SLC25A51: variants seen among roughly 807,000 people sequenced by gnomAD.
The protein encoded by SLC25A51 is mitochondrial nicotinamide adenine dinucleotide transporter SLC25A51.
A neutral mutation model predicts 19.1 loss-of-function variants in SLC25A51; 11 were observed. That is an observed-to-expected ratio of 0.58 (90% confidence interval 0.36 to 0.96). The LOEUF is 0.96. Ranked by LOEUF, SLC25A51 falls within the 40% of genes least tolerant of loss-of-function variation. SLC25A51 has a pLI of 0.01. For synonymous variants in SLC25A51, 105 were observed against 133.6 expected (o/e 0.79, Z 1.47); for missense variants, 201 against 365.4 (o/e 0.55, Z 3.67).
At chr9:37,886,047 A>G (rs1831449119), downstream of SLC25A51, 16 of 1,612,532 alleles carry the variant, frequency 9.9e-6, no homozygotes, top group Non-Finnish European at 1.4e-5. Context: ...CTCTCCCTTA[A>G]GTACAACTGT....
intron 2 of SLC25A51, among the ~76,000 whole-genome samples, chr9:37,893,724 G>A (rs1831648036): frequency 6.6e-6 from 1 of 152,108 alleles, no homozygotes; most frequent in Non-Finnish European, 1.5e-5. Flanking sequence ...CAGATTCCTT[G>A]GAGTTGGGCT....
intron 2 of SLC25A51, among the ~76,000 whole-genome samples, chr9:37,891,268 G>A (rs1050853054): frequency 1.2e-4 from 19 of 152,230 alleles, no homozygotes; most frequent in African/African-American, 3.6e-4. Flanking sequence ...CAGCCGCCCC[G>A]TCCGGGAGGT....
At chr9:37,894,156 G>GTT (rs912952686) in intron 2 of SLC25A51, among the ~76,000 whole-genome samples, 3 of 150,888 alleles carry the variant, frequency 2.0e-5, no homozygotes, top group Admixed American at 6.6e-5. Context: ...TATGGTTGCT[G>GTT]TTTTTTTTTA....
At chr9:37,886,433 C>T, downstream of SLC25A51, 1 of 1,538,222 alleles carries the variant, frequency 6.5e-7, no homozygotes, top group South Asian at 1.3e-5. Context: ...CAATTCCAGG[C>T]TCTTTCCATA....
At chr9:37,894,013 A>G (rs1282889045) in intron 2 of SLC25A51, among the ~76,000 whole-genome samples, 1 of 152,182 alleles carries the variant, frequency 6.6e-6, no homozygotes, top group African/African-American at 2.4e-5. Flanking sequence ...CACACTACTA[A>G]GTTTAAAAAG....
intron 2 of SLC25A51, among the ~76,000 whole-genome samples, chr9:37,897,639 AATT>A (rs1427378192): frequency 1.3e-5 from 2 of 150,944 alleles, no homozygotes; most frequent in Admixed American, 6.6e-5. Context: ...GATTATAATA[AATT>A]ATAATTATAA....
At chr9:37,881,423 A>C (rs968488887) in intron 3 of SLC25A51, 6 of 152,250 alleles carry the variant, frequency 3.9e-5, no homozygotes, top group African/African-American at 1.4e-4. Context: ...TGGGAGGCCA[A>C]GGTGGGCAGA....
intron 1 of SLC25A51, among the ~76,000 whole-genome samples, chr9:37,901,587 C>T (rs1006250589): frequency 4.6e-5 from 7 of 152,092 alleles, no homozygotes; most frequent in Non-Finnish European, 7.4e-5. Flanking sequence ...AGAGAGTTGG[C>T]ATTTTGTCTT....
downstream of SLC25A51, among the ~76,000 whole-genome samples, chr9:37,886,644 C>T (rs1211848306): frequency 5.3e-5 from 8 of 152,162 alleles, no homozygotes; most frequent in Non-Finnish European, 1.2e-4. Context: ...TGGTTTCCCT[C>T]CAAGCTTGGG....
In SLC25A51 at chr9:37,888,034, A is replaced by G. The variant is rs375192827; in HGVS notation, c.517T>C (p.Tyr173His). 1 of 1,612,980 alleles carries G rather than the reference A, an allele frequency of 6.2e-7. No homozygotes were observed. The highest frequency in any genetic ancestry group is 8.5e-7 in the Non-Finnish European group (1 of 1,179,870). Residue 173 changes from tyrosine (Y) to histidine (H), a missense_variant, in exon 3 of 3, where the codon TAT (tyrosine) becomes CAT (histidine). Coordinates refer to ENST00000242275, the MANE Select transcript of SLC25A51 (RefSeq NM_033412.4). ...AAAAGAATGGGCACCAAGCCTCGAT[A>G]ATACTCTCCAATTCCATGACATTTC... ...ALKCHGIGEYYRGLVPILFRN... is the reference protein window; with the variant it reads ...ALKCHGIGEYHRGLVPILFRN...
At chr9:37,898,385 G>C (rs575645520) in intron 2 of SLC25A51, among the ~76,000 whole-genome samples, 92 of 152,290 alleles carry the variant, frequency 6.0e-4, no homozygotes, top group African/African-American at 2.0e-3. Flanking sequence ...GAGAAATCCT[G>C]TCTCTACTAA....
intron 2 of SLC25A51, among the ~76,000 whole-genome samples, chr9:37,895,207 C>CT (rs565092011): frequency 6.0e-4 from 88 of 146,508 alleles, no homozygotes; most frequent in East Asian, 1.2e-3. Flanking sequence ...CCATTAAAAA[C>CT]TTTTTTTTTT....
chr9:37,882,732 A>G (rs1415540934), downstream of SLC25A51, among the ~76,000 whole-genome samples: 1 of 152,216 alleles, frequency 6.6e-6, no homozygotes, highest in Non-Finnish European at 1.5e-5. Flanking sequence ...GGCATCACAC[A>G]TGAAGTATAG....
At chr9:37,889,769 A>C (rs1256944541) in intron 2 of SLC25A51, among the ~76,000 whole-genome samples, 1 of 149,318 alleles carries the variant, frequency 6.7e-6, no homozygotes, top group Non-Finnish European at 1.5e-5. Flanking sequence ...GAACTAAGCC[A>C]AAGTTCCACC....
intron 2 of SLC25A51, among the ~76,000 whole-genome samples, chr9:37,897,983 A>C (rs930673374): frequency 1.3e-5 from 2 of 152,222 alleles, no homozygotes; most frequent in African/African-American, 2.4e-5. Context: ...CTGCTATCAC[A>C]TAATTTCATC....
intron 2 of SLC25A51, among the ~76,000 whole-genome samples, chr9:37,893,851 T>C (rs1027807133): frequency 9.9e-5 from 15 of 152,058 alleles, no homozygotes; most frequent in African/African-American, 3.6e-4. Context: ...ACAGAGAGCC[T>C]CTCCTCCAGG....
chr9:37,895,365 CTTT>C (rs1039284688), intron 2 of SLC25A51, among the ~76,000 whole-genome samples: 3 of 138,248 alleles, frequency 2.2e-5, no homozygotes, highest in East Asian at 2.0e-4. Context: ...CCACATTCGG[CTTT>C]TTTTTTTTTT....
intron 2 of SLC25A51, among the ~76,000 whole-genome samples, chr9:37,892,650 T>C (rs10973601): frequency 0.13 from 19,602 of 151,724 alleles, 1,624 homozygotes; most frequent in South Asian, 0.23. Context: ...TTGGCTCACC[T>C]GCAGCCTCAA....
In SLC25A51 at chr9:37,899,953, T is replaced by TAA. The variant is rs773788599; in HGVS notation, c.-164-5_-164-4dup. The TAA allele has an allele frequency of 0.014, 1,844 of 134,102 alleles. 21 individuals carry two copies. The highest frequency in any genetic ancestry group is 0.04 in the Middle Eastern group (10 of 250). 8.3% of individuals were successfully genotyped at this position (134,102 alleles called of 1,614,324 possible). A position where few individuals can be genotyped will look rare whatever the true frequency, so the allele number is the denominator to read the frequency against. On this transcript the variant is annotated splice_polypyrimidine_tract_variant and splice_region_variant and intron_variant, in intron 1 of 2. Coordinates refer to ENST00000242275, the MANE Select transcript of SLC25A51 (RefSeq NM_033412.4). ...GTCAATTTTGATAACTGGATTTCCT[T>TAA]AAAAAAAAAAAAATTCTGGTTTAAT...
Sources: gnomAD v4.1 joint callset for allele counts (sites outside exome capture counted in the v4.1 genomes callset) on GRCh38, gnomAD v4.1.1 for gene constraint, MANE v1.5 for transcripts, NCBI Gene and HGNC (gene_info 2026-07-23, HGNC 2026-07-21) for gene names.